INPP4B: variants seen among roughly 807,000 people sequenced by gnomAD.
INPP4B encodes the protein inositol polyphosphate-4-phosphatase type II B.
INPP4B carries 55 observed loss-of-function variants against 122.5 expected under a neutral mutation model. The ratio of observed to expected loss-of-function variants is 0.45; its 90% CI spans 0.36 to 0.56. INPP4B has a LOEUF of 0.56. INPP4B is among the 20% of genes least tolerant of loss of function. The pLI, the probability that INPP4B is intolerant of heterozygous loss-of-function variation, is 0.00. For missense variants in INPP4B, 1,000 were observed against 1,097.7 expected, an observed-to-expected ratio of 0.91 and a Z score of 1.26; for synonymous variants, 403 against 388.7, an observed-to-expected ratio of 1.04 and a Z score of -0.43.
chr4:142,163,319 A>G (rs1013386690), intron 16 of INPP4B, among the ~76,000 whole-genome samples: 2 of 152,060 alleles, frequency 1.3e-5, no homozygotes, highest in African/African-American at 4.8e-5. Context: ...TCTGGGATAT[A>G]AATCGCCCAG....
At chr4:142,641,091 T>C in intron 2 of INPP4B, among the ~76,000 whole-genome samples, 1 of 152,028 alleles carries the variant, frequency 6.6e-6, no homozygotes, top group East Asian at 1.9e-4. Context: ...CTATCATAAA[T>C]GCACATACAC....
intron 21 of INPP4B, among the ~76,000 whole-genome samples, chr4:142,121,851 T>C (rs182420646): frequency 1.7e-4 from 26 of 152,120 alleles, no homozygotes; most frequent in African/African-American, 5.8e-4. Flanking sequence ...AGGAGAAAAA[T>C]GTTCTCATGC....
intron 2 of INPP4B, among the ~76,000 whole-genome samples, chr4:142,554,296 A>G (rs1158797016): frequency 6.6e-6 from 1 of 150,618 alleles, no homozygotes; most frequent in Non-Finnish European, 1.5e-5. Context: ...AAAAGCTTCA[A>G]ATTGCCCACC....
chr4:142,482,040 G>T (rs991169225), intron 2 of INPP4B, among the ~76,000 whole-genome samples: 1 of 152,148 alleles, frequency 6.6e-6, no homozygotes, highest in Non-Finnish European at 1.5e-5. Context: ...GGAACCAACA[G>T]TCTCTTTCCC....
At chr4:142,408,292 T>C (rs1316880334) in intron 5 of INPP4B, among the ~76,000 whole-genome samples, 4 of 150,526 alleles carry the variant, frequency 2.7e-5, no homozygotes, top group Admixed American at 2.0e-4. Flanking sequence ...AGGTGGCTTA[T>C]GCCTGGAATC....
intron 2 of INPP4B, among the ~76,000 whole-genome samples, chr4:142,587,997 T>C (rs1736602596): frequency 6.6e-6 from 1 of 151,978 alleles, no homozygotes; most frequent in Non-Finnish European, 1.5e-5. Context: ...ATTTCAGTTA[T>C]GCAAGTCTGG....
chr4:142,359,756 A>T (rs539237051), intron 7 of INPP4B, among the ~76,000 whole-genome samples: 64 of 152,094 alleles, frequency 4.2e-4, no homozygotes, highest in Admixed American at 8.5e-4. Flanking sequence ...TGCTATTCAG[A>T]TTCAATTATT....
intron 21 of INPP4B, 141 bp downstream of exon 21, chr4:142,121,987 T>C (rs1045821658): frequency 9.5e-5 from 58 of 610,862 alleles, no homozygotes; most frequent in Non-Finnish European, 2.9e-5. Context: ...ATCATCCATG[T>C]GTATTTCTTA....
At chr4:142,261,606 T>C (rs1378681388) in intron 10 of INPP4B, among the ~76,000 whole-genome samples, 1 of 152,142 alleles carries the variant, frequency 6.6e-6, no homozygotes, top group African/African-American at 2.4e-5. Context: ...GACAAGCTTC[T>C]CCAAGGCTCT....
chr4:142,329,628 A>G (rs1388091237), intron 7 of INPP4B, among the ~76,000 whole-genome samples: 2 of 152,186 alleles, frequency 1.3e-5, no homozygotes, highest in East Asian at 3.9e-4. Flanking sequence ...ACTTTTTCCT[A>G]GAGTCAGGGT....
At chr4:142,102,346 C>T (rs77221973) in intron 23 of INPP4B, among the ~76,000 whole-genome samples, 7,305 of 150,950 alleles carry the variant, frequency 0.048, 269 homozygotes, top group Middle Eastern at 0.11. Context: ...ACAGCTTTTA[C>T]AAATTATATT....
At chr4:142,523,686 T>C (rs1826410367) in intron 2 of INPP4B, among the ~76,000 whole-genome samples, 1 of 151,940 alleles carries the variant, frequency 6.6e-6, no homozygotes, top group African/African-American at 2.4e-5. Context: ...CTTTAAGTTT[T>C]AGGGTACATG....
intron 2 of INPP4B, among the ~76,000 whole-genome samples, chr4:142,569,773 T>C (rs1732418042): frequency 1.3e-5 from 2 of 152,128 alleles, no homozygotes; most frequent in South Asian, 4.1e-4. Flanking sequence ...AAAGCTTTCA[T>C]ATAAAACAAA....
intron 7 of INPP4B, among the ~76,000 whole-genome samples, chr4:142,389,227 G>A (rs971939449): frequency 2.7e-5 from 4 of 148,798 alleles, no homozygotes; most frequent in African/African-American, 1.0e-4. Flanking sequence ...TCCAGCCTGT[G>A]TGACAGAGCA....
At chr4:142,491,339 A>G (rs1450414825) in intron 2 of INPP4B, among the ~76,000 whole-genome samples, 4 of 152,302 alleles carry the variant, frequency 2.6e-5, no homozygotes, top group East Asian at 1.9e-4. Flanking sequence ...ATTAATCTGA[A>G]CAAACATTTT....
intron 2 of INPP4B, among the ~76,000 whole-genome samples, chr4:142,599,127 C>T (rs188831200): frequency 7.9e-5 from 12 of 152,314 alleles, no homozygotes; most frequent in Admixed American, 3.9e-4. Flanking sequence ...AGTTGATCAT[C>T]TTGCCACAGC....
chr4:142,268,352 G>C (rs1744034117), intron 10 of INPP4B, among the ~76,000 whole-genome samples: 1 of 35,968 alleles, frequency 2.8e-5, no homozygotes, highest in Non-Finnish European at 8.2e-5. Flanking sequence ...AAAAATGAGG[G>C]GTAAGTACTG....
chr4:142,564,140 A>C (rs2150131710), intron 2 of INPP4B, among the ~76,000 whole-genome samples: 1 of 152,314 alleles, frequency 6.6e-6, no homozygotes, highest in Admixed American at 6.5e-5. Flanking sequence ...CTAAAACTTT[A>C]CTGAATAGGA....
chr4:142,437,496 G>A (rs919050033), intron 3 of INPP4B, among the ~76,000 whole-genome samples: 19 of 152,016 alleles, frequency 1.2e-4, no homozygotes, highest in Non-Finnish European at 1.6e-4. Context: ...AAAATATTAA[G>A]GGCAGCCAAA....
Sources: allele counts gnomAD v4.1 joint callset (sites outside exome capture counted in the v4.1 genomes callset), GRCh38; gene constraint gnomAD v4.1.1; transcripts MANE v1.5; gene names NCBI Gene and HGNC (gene_info 2026-07-23, HGNC 2026-07-21).